GRIA1: variants seen among roughly 807,000 people sequenced by gnomAD.
GRIA1 encodes glutamate ionotropic receptor AMPA type subunit 1.
Under a neutral mutation model 99.2 loss-of-function variants are expected in GRIA1, and 31 were observed. The observed-to-expected ratio is 0.31, with a 90% CI of 0.23 to 0.42. The LOEUF is 0.42. Ranked by LOEUF, GRIA1 falls within the 10% of genes least tolerant of loss-of-function variation. The pLI is 1.00. For synonymous variants in GRIA1, 438 were observed against 432.4 expected, an observed-to-expected ratio of 1.01 and a Z score of -0.16; for missense variants, 782 against 1,157.5, an observed-to-expected ratio of 0.68 and a Z score of 4.71.
chr5:153,490,549 T>G, upstream of GRIA1: 1 of 379,778 alleles, frequency 2.6e-6, no homozygotes, highest in Non-Finnish European at 4.9e-6. Context: ...TGTGTGAGTG[T>G]GAGGGGGAGA....
At chr5:153,805,099 C>T (rs1379939493) in intron 15 of GRIA1, among the ~76,000 whole-genome samples, 1 of 150,596 alleles carries the variant, frequency 6.6e-6, no homozygotes, top group Admixed American at 6.6e-5. Context: ...GTACATACCT[C>T]ATAACATTGT....
At chr5:153,609,105 TTCA>T (rs1307898877) in intron 2 of GRIA1, among the ~76,000 whole-genome samples, 1 of 152,130 alleles carries the variant, frequency 6.6e-6, no homozygotes, top group East Asian at 1.9e-4. Flanking sequence ...GACTCCAAAT[TTCA>T]TCTTTCTATT....
At chr5:153,738,629 A>T (rs892265423) in intron 11 of GRIA1, among the ~76,000 whole-genome samples, 1 of 148,442 alleles carries the variant, frequency 6.7e-6, no homozygotes, top group African/African-American at 2.5e-5. Context: ...GGGTTTGTTC[A>T]TTTTTCCTCC....
chr5:153,728,015 G>A (rs1260173550), intron 11 of GRIA1, among the ~76,000 whole-genome samples: 1 of 151,142 alleles, frequency 6.6e-6, no homozygotes, highest in East Asian at 2.0e-4. Context: ...AAACAGCATG[G>A]TACTGGTACC....
At chr5:153,602,387 G>T (rs1282444312) in intron 2 of GRIA1, among the ~76,000 whole-genome samples, 1 of 151,672 alleles carries the variant, frequency 6.6e-6, no homozygotes, top group Non-Finnish European at 1.5e-5. Context: ...TTGTGGGGTG[G>T]GGGGAGTGGG....
intron 13 of GRIA1, among the ~76,000 whole-genome samples, chr5:153,789,508 A>G (rs1218928094): frequency 6.6e-6 from 1 of 152,190 alleles, no homozygotes; most frequent in East Asian, 1.9e-4. Context: ...ACACTAATCT[A>G]TGAAGAATAT....
chr5:153,507,959 A>G (rs181157464), intron 2 of GRIA1, among the ~76,000 whole-genome samples: 37 of 152,332 alleles, frequency 2.4e-4, no homozygotes, highest in African/African-American at 5.8e-4. Context: ...CATCTGAAAT[A>G]GTCTCTACCA....
intron 8 of GRIA1, among the ~76,000 whole-genome samples, chr5:153,693,953 C>T (rs1757929355): frequency 6.6e-6 from 1 of 152,182 alleles, no homozygotes; most frequent in Non-Finnish European, 1.5e-5. Context: ...TCTCAGTCTA[C>T]TAGTTTACAT....
chr5:153,714,134 G>A (rs960321128), intron 11 of GRIA1, among the ~76,000 whole-genome samples: 1 of 152,188 alleles, frequency 6.6e-6, no homozygotes, highest in East Asian at 1.9e-4. Context: ...GGGGGCTGTG[G>A]TGAACGGCAC....
intron 2 of GRIA1, among the ~76,000 whole-genome samples, chr5:153,624,207 TC>T (rs1348773802): frequency 1.3e-5 from 2 of 152,150 alleles, no homozygotes. Context: ...GAAGATGACC[TC>T]CCCAAAAGTC....
chr5:153,796,013 C>CT (rs11426974), intron 14 of GRIA1, among the ~76,000 whole-genome samples: 90,611 of 130,258 alleles, frequency 0.7, 31,732 homozygotes, highest in East Asian at 0.93. Context: ...TTTTTTTTAA[C>CT]TTTTTTTTTT....
Position 153,546,479 on chromosome 5 carries a change from A to G in GRIA1, c.220+52414A>G, listed in dbSNP as rs539967578. On this transcript the variant is annotated intron_variant, in intron 2 of 15. Transcript: ENST00000285900. Reference sequence around the variant, plus strand: ...TCAATAATTATTACCGATGATGATAATTTATGCTTATTATAATGTAATGGT... The same window carrying G: ...TCAATAATTATTACCGATGATGATAGTTTATGCTTATTATAATGTAATGGT... Among the ~76,000 whole-genome samples, 10 of 152,286 alleles carry G rather than the reference A, an allele frequency of 6.6e-5. No individual in the cohort carries two copies. In the East Asian group the frequency reaches 1.7e-3, roughly 26 times the overall value.
At chr5:153,688,372 C>G (rs1229653501) in intron 8 of GRIA1, among the ~76,000 whole-genome samples, 2 of 152,108 alleles carry the variant, frequency 1.3e-5, no homozygotes, top group Admixed American at 1.3e-4. Context: ...AGAAATAGTC[C>G]AAGTCTGAGT....
At chr5:153,708,219 G>C (rs1350873737) in intron 11 of GRIA1, among the ~76,000 whole-genome samples, 1 of 152,082 alleles carries the variant, frequency 6.6e-6, no homozygotes, top group Non-Finnish European at 1.5e-5. Flanking sequence ...TTTGGCAATG[G>C]TTACCCAAAA....
chr5:153,732,260 G>A (rs1761087643), intron 11 of GRIA1, among the ~76,000 whole-genome samples: 1 of 103,782 alleles, frequency 9.6e-6, no homozygotes, highest in South Asian at 4.9e-4. Context: ...GATTGCTGGA[G>A]TGTATTTAGT....
chr5:153,495,578 TAC>T (rs1374258776), intron 2 of GRIA1, among the ~76,000 whole-genome samples: 3 of 152,222 alleles, frequency 2.0e-5, no homozygotes, highest in African/African-American at 7.2e-5. Flanking sequence ...GAGAAAAACT[TAC>T]AGTGTTTCAA....
intron 2 of GRIA1, among the ~76,000 whole-genome samples, chr5:153,503,922 C>A (rs945788137): frequency 1.3e-5 from 2 of 152,168 alleles, no homozygotes; most frequent in African/African-American, 2.4e-5. Flanking sequence ...CTTAGCTTTT[C>A]TCTAAACTGG....
chr5:153,758,463 AAAG>A (rs1762968864), intron 11 of GRIA1, among the ~76,000 whole-genome samples: 1 of 152,122 alleles, frequency 6.6e-6, no homozygotes, highest in East Asian at 1.9e-4. Context: ...CAAAAAAGAC[AAAG>A]AAGGCAATTA....
intron 2 of GRIA1, among the ~76,000 whole-genome samples, chr5:153,595,773 T>C (rs963749611): frequency 6.7e-6 from 1 of 148,488 alleles, no homozygotes; most frequent in Non-Finnish European, 1.5e-5. Flanking sequence ...ATATATATAA[T>C]ATAATGTAAA....
Sources: gnomAD v4.1 joint callset for allele counts (sites outside exome capture counted in the v4.1 genomes callset) on GRCh38, gnomAD v4.1.1 for gene constraint, MANE v1.5 for transcripts, NCBI Gene and HGNC (gene_info 2026-07-23, HGNC 2026-07-21) for gene names.